The following RUNX1 variants were observed in gnomAD, a reference collection of about 807,000 sequenced individuals.
The protein encoded by RUNX1 is RUNX family transcription factor 1.
In RUNX1, 19 loss-of-function variants were observed where a neutral mutation model predicts 42.8. That is an observed-to-expected ratio of 0.44 (90% CI 0.31 to 0.65). The LOEUF (loss-of-function observed/expected upper bound fraction) is 0.65, where lower values mean the gene tolerates loss of function less well. Ranked by LOEUF, RUNX1 falls within the 30% of genes least tolerant of loss-of-function variation. The probability of loss-of-function intolerance (pLI) is 0.07; values close to 1 mark genes in which losing one functional copy is unlikely to be tolerated. For missense variants in RUNX1, 528 were observed against 672.0 expected (o/e 0.79, Z 2.37); for synonymous variants, 271 against 289.4 (o/e 0.94, Z 0.64).
At chr21:34,799,586 G>T in intron 7 of RUNX1, 124 bp from the exon 8 acceptor site, 1 of 803,702 alleles carries the variant, frequency 1.2e-6, no homozygotes, top group Non-Finnish European at 2.0e-6. Flanking sequence ...CTATGTACCA[G>T]GGTTTAATAA....
chr21:34,853,292 G>A (rs1352628102), intron 6 of RUNX1, among the ~76,000 whole-genome samples: 1 of 152,026 alleles, frequency 6.6e-6, no homozygotes, highest in Middle Eastern at 3.2e-3. Flanking sequence ...GCCCTGCCGG[G>A]GAAAACACTG....
At chr21:34,949,971 C>G (rs1400127866) in intron 2 of RUNX1, among the ~76,000 whole-genome samples, 1 of 152,190 alleles carries the variant, frequency 6.6e-6, no homozygotes, top group East Asian at 1.9e-4. Flanking sequence ...AACAGAATCA[C>G]GGCTGAACTG....
At chr21:34,960,647 G>C (rs192740590) in intron 2 of RUNX1, among the ~76,000 whole-genome samples, 1 of 152,188 alleles carries the variant, frequency 6.6e-6, no homozygotes, top group Non-Finnish European at 1.5e-5. Flanking sequence ...AAGCAATAGA[G>C]GGCCCTTTGG....
chr21:34,978,945 C>CACACAA (rs1288782354), intron 2 of RUNX1, among the ~76,000 whole-genome samples: 4 of 148,972 alleles, frequency 2.7e-5, no homozygotes, highest in Non-Finnish European at 6.0e-5. Context: ...GATACACACA[C>CACACAA]ACACACACAC....
intron 6 of RUNX1, among the ~76,000 whole-genome samples, chr21:34,837,208 T>G (rs539046847): frequency 5.9e-5 from 9 of 152,286 alleles, no homozygotes; most frequent in African/African-American, 2.2e-4. Flanking sequence ...TTCTAAGCCC[T>G]GGGAGTCTCA....
chr21:35,011,440 C>A (rs114637727), intron 2 of RUNX1, among the ~76,000 whole-genome samples: 1 of 152,196 alleles, frequency 6.6e-6, no homozygotes, highest in Non-Finnish European at 1.5e-5. Context: ...CTGGAATAGA[C>A]ATGGCTCTTT....
At chr21:34,903,072 A>G (rs2058189904) in intron 2 of RUNX1, among the ~76,000 whole-genome samples, 1 of 152,250 alleles carries the variant, frequency 6.6e-6, no homozygotes, top group Admixed American at 6.5e-5. Flanking sequence ...TAAAACAAGT[A>G]TACACATAAA....
chr21:34,882,325 C>T (rs957586627), intron 4 of RUNX1, among the ~76,000 whole-genome samples: 3 of 152,176 alleles, frequency 2.0e-5, no homozygotes, highest in African/African-American at 4.8e-5. Flanking sequence ...TGGCACAGAA[C>T]ACGAACTAAC....
intron 2 of RUNX1, among the ~76,000 whole-genome samples, chr21:34,988,739 T>A (rs2058911536): frequency 6.6e-6 from 1 of 152,174 alleles, no homozygotes; most frequent in African/African-American, 2.4e-5. Flanking sequence ...TGATTATTAT[T>A]GGGATGGTCT....
chr21:34,903,231 C>T (rs1188049879), intron 2 of RUNX1, among the ~76,000 whole-genome samples: 1 of 152,138 alleles, frequency 6.6e-6, no homozygotes, highest in Non-Finnish European at 1.5e-5. Context: ...TATTACAATT[C>T]AGCTCTTTGA....
At chr21:34,909,443 T>C (rs1403948721) in intron 2 of RUNX1, among the ~76,000 whole-genome samples, 1 of 152,082 alleles carries the variant, frequency 6.6e-6, no homozygotes, top group Non-Finnish European at 1.5e-5. Flanking sequence ...AACCCTCCTC[T>C]GCAACAGTGA....
intron 7 of RUNX1, among the ~76,000 whole-genome samples, chr21:34,829,517 G>T (rs1235751830): frequency 6.6e-6 from 1 of 152,136 alleles, no homozygotes; most frequent in Non-Finnish European, 1.5e-5. Flanking sequence ...GTCGGGGTAA[G>T]ATTATAATGC....
chr21:34,866,654 G>T (rs1224191776), intron 5 of RUNX1, among the ~76,000 whole-genome samples: 1 of 152,170 alleles, frequency 6.6e-6, no homozygotes, highest in Non-Finnish European at 1.5e-5. Context: ...CAGTGGAGTT[G>T]TATAATTAAT....
intron 6 of RUNX1, among the ~76,000 whole-genome samples, chr21:34,855,024 CT>C (rs2057476797): frequency 6.6e-6 from 1 of 152,240 alleles, no homozygotes; most frequent in South Asian, 2.1e-4. Flanking sequence ...TGAAAGACTC[CT>C]TTAACCTGGG....
intron 2 of RUNX1, among the ~76,000 whole-genome samples, chr21:35,021,461 CAT>C (rs1384074149): frequency 6.6e-6 from 1 of 152,198 alleles, no homozygotes; most frequent in Non-Finnish European, 1.5e-5. Context: ...AAGCTCCAAA[CAT>C]AGTCACTTAA....
At chr21:34,837,314 G>A (rs2057161896) in intron 6 of RUNX1, among the ~76,000 whole-genome samples, 1 of 152,154 alleles carries the variant, frequency 6.6e-6, no homozygotes, top group Non-Finnish European at 1.5e-5. Context: ...GCCTTGGTAG[G>A]GGTCTTGACC....
At position 35,039,917 on chromosome 21, in the gene RUNX1, C is replaced by T. The variant is rs758414617; in HGVS notation, c.58+8925G>A. On this transcript the variant is annotated intron_variant, in intron 2 of 8. Transcript: ENST00000675419. ...TAATAAATAATAATAAACTAGAAGC[C>T]TGAGTTTCTGTTCCTACCTGTCAGT... Among the ~76,000 whole-genome samples, 145 of 152,084 alleles carry T rather than the reference C, an allele frequency of 9.5e-4. 1 individual carries two copies. The highest frequency in any genetic ancestry group is 2.5e-4 in the Non-Finnish European group (17 of 68,002).
intron 2 of RUNX1, among the ~76,000 whole-genome samples, chr21:34,914,640 C>T (rs1242864415): frequency 1.3e-5 from 2 of 152,112 alleles, no homozygotes; most frequent in Non-Finnish European, 2.9e-5. Context: ...TCCCTCCCTC[C>T]ACTTGGAGCT....
chr21:34,864,606 G>A (rs1601482603), intron 5 of RUNX1, among the ~76,000 whole-genome samples: 1 of 152,210 alleles, frequency 6.6e-6, no homozygotes, highest in Admixed American at 6.5e-5. Flanking sequence ...GCAGCTCTTG[G>A]TTCCAGAGGG....
Sources: allele counts gnomAD v4.1 joint callset (sites outside exome capture counted in the v4.1 genomes callset), GRCh38; gene constraint gnomAD v4.1.1; transcripts MANE v1.5; gene names NCBI Gene and HGNC (gene_info 2026-07-23, HGNC 2026-07-21).